CRHR2: variants seen among roughly 807,000 people sequenced by gnomAD.
The protein encoded by CRHR2 is corticotropin releasing hormone receptor 2.
In CRHR2, 53 loss-of-function variants were observed where a neutral mutation model predicts 57.9. The observed-to-expected ratio is 0.92, with a 90% CI of 0.73 to 1.15. The LOEUF (loss-of-function observed/expected upper bound fraction) is 1.15, where lower values mean the gene tolerates loss of function less well. Among genes scored for constraint, CRHR2 ranks in the 50% most tolerant of loss-of-function variants. The pLI is 0.00. For synonymous variants in CRHR2, 213 were observed against 220.9 expected (o/e 0.96, Z 0.32); for missense variants, 532 against 542.6 (o/e 0.98, Z 0.19).
In CRHR2 at chr7:30,691,133, A is replaced by G. The variant is rs114906913; in HGVS notation, c.-260-1849T>C. Among the ~76,000 whole-genome samples the G allele has an allele frequency of 2.1e-3, 326 of 152,338 alleles. 1 individual carries two copies. Among genetic ancestry groups the G allele is most frequent in the African/African-American group, 7.6e-3 (315 of 41,578 alleles). Reference sequence around the variant, plus strand: ...AACACTCCAGACACTGAGACCTTCCAGGAAGAATTCTCAGGCCATACTTTT... The same window carrying G: ...AACACTCCAGACACTGAGACCTTCCGGGAAGAATTCTCAGGCCATACTTTT... On this transcript the variant is annotated intron_variant, in intron 1 of 13. Transcript: ENST00000341843.
At chr7:30,657,083 TCACACACACA>T (rs55909312) in intron 8 of CRHR2, among the ~76,000 whole-genome samples, 1 of 145,522 alleles carries the variant, frequency 6.9e-6, no homozygotes, top group East Asian at 2.0e-4. Flanking sequence ...ACACACCCAC[TCACACACACA>T]CACACACACA....
At chr7:30,671,897 A>G (rs1784374077) in intron 2 of CRHR2, among the ~76,000 whole-genome samples, 2 of 151,732 alleles carry the variant, frequency 1.3e-5, no homozygotes, top group South Asian at 4.2e-4. Flanking sequence ...GAGGAGGAGA[A>G]GAAGAAGAGG....
At chr7:30,699,993 G>T in exon 1 of CRHR2, 1 of 1,462,260 alleles carries the variant, frequency 6.8e-7, no homozygotes, top group Non-Finnish European at 9.0e-7. Context: ...GAGGAGGTGT[G>T]GGACGTAGAG....
chr7:30,654,330 G>GTC (rs1354225910), intron 11 of CRHR2, among the ~76,000 whole-genome samples: 9 of 152,116 alleles, frequency 5.9e-5, no homozygotes, highest in African/African-American at 2.2e-4. Context: ...CACAGGACCC[G>GTC]TCTCTGCTGA....
At position 30,667,274 on chromosome 7, in the gene CRHR2, G is replaced by T. The variant is rs1223365891; in HGVS notation, c.269C>A (p.Ala90Asp). ...ACACTGTGAGTAGTTGATCTTTGAG[G>T]CCCACGTCCCATTCTCCAAGCATTC... ...YRECLENGTW[A>D]SKINYSQCEP... is the part of the protein sequence containing the mutation. The change falls in exon 3 of 12, where the codon GCC (alanine) becomes GAC (aspartate). Residue 90 changes from alanine to aspartate, a missense_variant. Coordinates refer to ENST00000471646, the MANE Select transcript of CRHR2 (RefSeq NM_001883.5). 1.2e-6 allele frequency: 2 copies of T among 1,614,050 alleles called. No individual in the cohort carries two copies. Among genetic ancestry groups the T allele is most frequent in the Admixed American group, 3.3e-5 (2 of 60,018 alleles).
At chr7:30,661,938 C>T (rs956461156) in intron 7 of CRHR2, among the ~76,000 whole-genome samples, 4 of 152,214 alleles carry the variant, frequency 2.6e-5, no homozygotes, top group Non-Finnish European at 4.4e-5. Flanking sequence ...CAAGGAACCA[C>T]AATTCCTAAC....
upstream of CRHR2, among the ~76,000 whole-genome samples, chr7:30,684,647 G>A (rs1784818225): frequency 6.6e-6 from 1 of 152,202 alleles, no homozygotes; most frequent in South Asian, 2.1e-4. Flanking sequence ...AGCAGTTGGG[G>A]TCTGAGCACA....
intron 1 of CRHR2, among the ~76,000 whole-genome samples, chr7:30,696,173 G>T (rs951880197): frequency 1.3e-5 from 2 of 150,904 alleles, no homozygotes; most frequent in Admixed American, 1.3e-4. Flanking sequence ...TGGGCTAACA[G>T]GTACCAAAAA....
chr7:30,699,788 C>T (rs191481867), intron 1 of CRHR2: 250 of 585,406 alleles, frequency 4.3e-4, no homozygotes, highest in South Asian at 1.9e-3. Context: ...CTGAGACCCC[C>T]TCACCCAGGC....
intron 8 of CRHR2, among the ~76,000 whole-genome samples, chr7:30,660,101 A>G (rs978381773): frequency 4.6e-5 from 7 of 152,236 alleles, no homozygotes; most frequent in Non-Finnish European, 1.0e-4. Context: ...GGAGCTGGAC[A>G]AGGAACAATT....
intron 8 of CRHR2, among the ~76,000 whole-genome samples, chr7:30,659,928 T>G (rs1007499640): frequency 6.6e-6 from 1 of 152,198 alleles, no homozygotes; most frequent in African/African-American, 2.4e-5. Flanking sequence ...TTGTATGTCT[T>G]TCTTTCTTTA....
intron 2 of CRHR2, among the ~76,000 whole-genome samples, chr7:30,671,372 T>C (rs917946965): frequency 6.6e-6 from 1 of 151,980 alleles, no homozygotes; most frequent in African/African-American, 2.4e-5. Flanking sequence ...ACAGGGACCA[T>C]GAGGGACTAC....
At chr7:30,674,795 G>A (rs1039191222) in intron 2 of CRHR2, among the ~76,000 whole-genome samples, 1 of 152,108 alleles carries the variant, frequency 6.6e-6, no homozygotes, top group Admixed American at 6.5e-5. Context: ...ACCCCAGAAT[G>A]AGGATAGCCA....
chr7:30,662,067 T>C, intron 7 of CRHR2, 89 bp downstream of exon 7: 1 of 1,410,276 alleles, frequency 7.1e-7, no homozygotes, highest in Admixed American at 1.8e-5. Context: ...CAATTCCTGC[T>C]CCACGGCTTG....
upstream of CRHR2, chr7:30,686,650 A>C (rs1330282571): frequency 3.7e-6 from 3 of 815,026 alleles, no homozygotes; most frequent in African/African-American, 1.7e-5. Flanking sequence ...TAAATAGTCC[A>C]TTTGGATTTT....
chr7:30,671,736 G>A (rs891335507), intron 2 of CRHR2, among the ~76,000 whole-genome samples: 1 of 152,016 alleles, frequency 6.6e-6, no homozygotes, highest in African/African-American at 2.4e-5. Flanking sequence ...GAGCCTGGGA[G>A]GCAGAGGTTG....
rs977677104 is a variant in CRHR2, at chr7:30,665,524, A to T, written c.425+6T>A. 9 of 1,553,834 alleles carry T rather than the reference A, an allele frequency of 5.8e-6. No homozygotes were observed. The African/African-American group carries it at 9.6e-5, about 17-fold the overall frequency. On this transcript the variant is annotated splice_donor_region_variant and intron_variant, in intron 4 of 11. Transcript: ENST00000471646. The surrounding 1 kb of genome is among the most constrained non-coding windows in gnomAD (Gnocchi z 4.5). The stretch of plus-strand genomic sequence containing the variant: ...AGGAGAAAGCAAGGCGGAAGGGCAG[A>T]CTCACCGCAGGGCCAGGAAAAGCAG...
upstream of CRHR2, among the ~76,000 whole-genome samples, chr7:30,687,014 A>G (rs1232293221): frequency 6.6e-6 from 1 of 152,084 alleles, no homozygotes; most frequent in Non-Finnish European, 1.5e-5. Context: ...TTATCTATTT[A>G]TTTCTATTCT....
intron 2 of CRHR2, among the ~76,000 whole-genome samples, chr7:30,671,781 T>C (rs1784361145): frequency 6.6e-6 from 1 of 151,614 alleles, no homozygotes; most frequent in South Asian, 2.1e-4. Context: ...CACTCCAGCC[T>C]GGGTGACAGA....
Sources: allele counts gnomAD v4.1 joint callset (sites outside exome capture counted in the v4.1 genomes callset), GRCh38; gene constraint gnomAD v4.1.1; non-coding constraint Gnocchi (gnomAD v3.1); transcripts MANE v1.5; gene names NCBI Gene and HGNC (gene_info 2026-07-23, HGNC 2026-07-21).